XIRP2: variants seen among roughly 807,000 people sequenced by gnomAD.
XIRP2 encodes the protein xin actin binding repeat containing 2, also known as xin actin-binding repeat-containing protein 2.
XIRP2 carries 236 observed loss-of-function variants against 277.0 expected under a neutral mutation model. The ratio of observed to expected loss-of-function variants is 0.85; its 90% CI spans 0.77 to 0.95. The LOEUF is 0.95. XIRP2 is among the 40% of genes least tolerant of loss of function. The pLI is 0.00. For synonymous variants in XIRP2, 1,490 were observed against 1,416.5 expected (o/e 1.05, Z -1.17); for missense variants, 4,640 against 4,157.5 (o/e 1.12, Z -3.19).
At chr2:166,911,170 T>C (rs572497476) in intron 2 of XIRP2, among the ~76,000 whole-genome samples, 1 of 152,324 alleles carries the variant, frequency 6.6e-6, no homozygotes, top group Non-Finnish European at 1.5e-5. Context: ...GATATCTTTG[T>C]TAACTTTCTG....
At chr2:167,086,044 T>C (rs1160293190) in intron 2 of XIRP2, among the ~76,000 whole-genome samples, 1 of 152,190 alleles carries the variant, frequency 6.6e-6, no homozygotes, top group Non-Finnish European at 1.5e-5. Flanking sequence ...GTCTCGATGG[T>C]CTTTACATTT....
chr2:166,999,287 G>T (rs1464926716), intron 2 of XIRP2, among the ~76,000 whole-genome samples: 1 of 151,948 alleles, frequency 6.6e-6, no homozygotes, highest in Non-Finnish European at 1.5e-5. Context: ...TCAAACCATG[G>T]CAGTCTGAGT....
chr2:167,123,618 C>T (rs1314016999), intron 2 of XIRP2, among the ~76,000 whole-genome samples: 2 of 152,132 alleles, frequency 1.3e-5, no homozygotes, highest in African/African-American at 2.4e-5. Context: ...CCAGGCCTCT[C>T]TCCGTGGCTT....
chr2:167,073,129 T>A (rs1380668435), intron 2 of XIRP2, among the ~76,000 whole-genome samples: 1 of 152,164 alleles, frequency 6.6e-6, no homozygotes, highest in East Asian at 1.9e-4. Flanking sequence ...AAATGATCAT[T>A]AATGTGAGCT....
At position 166,894,936 on chromosome 2, in the gene XIRP2, C is replaced by T. The variant is rs566726998; in HGVS notation, c.-19+6379C>T. 7.9e-5 allele frequency among the ~76,000 whole-genome samples: 12 copies of T among 152,158 alleles called. No homozygotes were observed. The South Asian group carries it at 1.0e-3, about 13-fold the overall frequency. ...GAATGCTTCCCTGAGGCAGTCATGC[C>T]GTATGCTGAGAACAGAAGGATAAAT... is the stretch of plus-strand genomic sequence containing the variant. On this transcript the variant is annotated intron_variant, in intron 1 of 10. Transcript: ENST00000409195.
chr2:167,152,201 T>C (rs1050832683), intron 3 of XIRP2, among the ~76,000 whole-genome samples: 1 of 152,120 alleles, frequency 6.6e-6, no homozygotes, highest in African/African-American at 2.4e-5. Flanking sequence ...AAGTATTTTC[T>C]GACCTTCTGT....
chr2:167,002,866 G>T (rs1687407879), intron 2 of XIRP2, among the ~76,000 whole-genome samples: 1 of 151,788 alleles, frequency 6.6e-6, no homozygotes, highest in Non-Finnish European at 1.5e-5. Context: ...ATTCAAATAT[G>T]GTATTAATGT....
intron 2 of XIRP2, among the ~76,000 whole-genome samples, chr2:166,963,247 G>T (rs1686344057): frequency 6.6e-6 from 1 of 151,468 alleles, no homozygotes; most frequent in East Asian, 2.0e-4. Flanking sequence ...CTCCAAAATA[G>T]CAGTGGATAC....
intron 2 of XIRP2, among the ~76,000 whole-genome samples, chr2:166,981,717 T>C (rs138159599): frequency 3.9e-4 from 60 of 152,284 alleles, no homozygotes; most frequent in African/African-American, 1.4e-3. Flanking sequence ...CCTCTTCTTA[T>C]AAGGACATCA....
intron 2 of XIRP2, among the ~76,000 whole-genome samples, chr2:166,978,853 A>T (rs1301596735): frequency 6.6e-6 from 1 of 151,954 alleles, no homozygotes; most frequent in Non-Finnish European, 1.5e-5. Flanking sequence ...GTTGGCAAAC[A>T]CCTGTAGTCC....
intron 3 of XIRP2, among the ~76,000 whole-genome samples, chr2:167,165,423 C>T (rs1157579748): frequency 6.6e-6 from 1 of 152,188 alleles, no homozygotes; most frequent in East Asian, 1.9e-4. Context: ...AATCACTAAG[C>T]AGCCTTCCAA....
chr2:167,226,198 T>C (rs1197054064), intron 5 of XIRP2, among the ~76,000 whole-genome samples: 7 of 152,184 alleles, frequency 4.6e-5, no homozygotes, highest in Non-Finnish European at 5.9e-5. Context: ...ATTTCAGGAA[T>C]TGACTTTTTT....
chr2:167,169,950 A>G (rs1030949153), intron 3 of XIRP2, among the ~76,000 whole-genome samples: 1 of 152,180 alleles, frequency 6.6e-6, no homozygotes, highest in Non-Finnish European at 1.5e-5. Flanking sequence ...CTAATATGAT[A>G]CTAAGTGGAA....
At chr2:167,092,667 A>C (rs931015825) in intron 2 of XIRP2, among the ~76,000 whole-genome samples, 1 of 152,116 alleles carries the variant, frequency 6.6e-6, no homozygotes, top group Non-Finnish European at 1.5e-5. Flanking sequence ...TTTCTTGGCT[A>C]CTTAGCTACA....
intron 2 of XIRP2, among the ~76,000 whole-genome samples, chr2:167,075,908 T>C (rs1689556024): frequency 1.3e-5 from 2 of 151,990 alleles, no homozygotes; most frequent in Admixed American, 1.3e-4. Context: ...ACTTCTGGTC[T>C]CAAGTGATCC....
Position 167,246,565 on chromosome 2 carries a change from T to G in XIRP2, c.5173T>G (p.Ser1725Ala), listed in dbSNP as rs938036740. 1 of 1,613,604 alleles carries G rather than the reference T, an allele frequency of 6.2e-7. No individual in the cohort carries two copies. The highest frequency in any genetic ancestry group is 1.1e-5 in the South Asian group (1 of 91,056). ...CATTCATAATTTATTGTCTTCCACA[T>G]CAAACAATAAAATATCTGAAAGGGC... is the stretch of plus-strand genomic sequence containing the variant. ...RTIHNLLSST[S>A]NNKISERAKI... is the part of the protein sequence containing the mutation. The change falls in exon 9 of 11, where the codon TCA becomes GCA. Residue 1725 changes from serine to alanine, a missense_variant. Coordinates refer to ENST00000409195, the MANE Select transcript of XIRP2 (RefSeq NM_152381.6).
intron 2 of XIRP2, among the ~76,000 whole-genome samples, chr2:166,944,446 T>C (rs1399887440): frequency 1.3e-5 from 2 of 152,192 alleles, no homozygotes. Context: ...ACCATAGGCA[T>C]TGTGAAATCT....
chr2:166,908,763 T>C (rs988816965), intron 2 of XIRP2, among the ~76,000 whole-genome samples: 4 of 152,222 alleles, frequency 2.6e-5, no homozygotes, highest in Non-Finnish European at 2.9e-5. Context: ...GACATTTAAC[T>C]CTTTAATCCA....
At chr2:167,020,796 T>A (rs1342661444) in intron 2 of XIRP2, among the ~76,000 whole-genome samples, 1 of 152,046 alleles carries the variant, frequency 6.6e-6, no homozygotes, top group African/African-American at 2.4e-5. Context: ...ATTTGTTACA[T>A]CCCCATCTGA....
Sources: allele counts gnomAD v4.1 joint callset (sites outside exome capture counted in the v4.1 genomes callset), GRCh38; gene constraint gnomAD v4.1.1; transcripts MANE v1.5; gene names NCBI Gene and HGNC (gene_info 2026-07-23, HGNC 2026-07-21).